Variants in METTL2B observed in about 807,000 individuals in gnomAD.
METTL2B encodes tRNA N(3)-cytidine methyltransferase METTL2B.
In METTL2B, 28 loss-of-function variants were observed where a neutral mutation model predicts 51.0. The ratio of observed to expected loss-of-function variants is 0.55; its 90% CI spans 0.41 to 0.75. METTL2B has a LOEUF of 0.75. Ranked by LOEUF, METTL2B falls within the 30% of genes least tolerant of loss-of-function variation. The pLI is 0.00. For synonymous variants in METTL2B, 128 were observed against 166.3 expected (o/e 0.77, Z 1.77); for missense variants, 313 against 460.7 (o/e 0.68, Z 2.93).
intron 5 of METTL2B, among the ~76,000 whole-genome samples, chr7:128,493,053 A>G (rs1792863770): frequency 1.3e-5 from 2 of 152,188 alleles, no homozygotes; most frequent in African/African-American, 4.8e-5. Flanking sequence ...ATAAAGAATA[A>G]AAGTAGGGGA....
chr7:128,477,323 G>A (rs1343558850), intron 2 of METTL2B, 150 bp downstream of exon 2: 10 of 1,051,904 alleles, frequency 9.5e-6, no homozygotes, highest in Non-Finnish European at 1.4e-5. Flanking sequence ...GAGGGGATGA[G>A]CAAGGAGGGA....
intron 5 of METTL2B, 38 bp downstream of exon 5, chr7:128,488,199 C>T (rs374117606): frequency 6.7e-5 from 108 of 1,603,842 alleles, no homozygotes; most frequent in Non-Finnish European, 8.7e-5. Flanking sequence ...GTAATTTCCA[C>T]TGATTAAAGG....
At chr7:128,500,398 A>C (rs1649465456) in intron 7 of METTL2B, among the ~76,000 whole-genome samples, 1 of 152,172 alleles carries the variant, frequency 6.6e-6, no homozygotes, top group Admixed American at 6.6e-5. Flanking sequence ...AGGCGGGTGG[A>C]TCACCTGAGG....
At chr7:128,500,860 G>A in intron 7 of METTL2B, 43 bp from the exon 8 acceptor site, 1 of 1,611,372 alleles carries the variant, frequency 6.2e-7, no homozygotes, top group Non-Finnish European at 8.5e-7. Context: ...AAGTCAAAGA[G>A]ACACTTTAAA....
chr7:128,478,636 G>A (rs1182003667), intron 2 of METTL2B, among the ~76,000 whole-genome samples: 5 of 123,344 alleles, frequency 4.1e-5, no homozygotes, highest in Non-Finnish European at 5.0e-5. Flanking sequence ...AGGCTGAGGC[G>A]GGTGGATCAC....
chr7:128,500,318 C>T (rs1793005424), intron 7 of METTL2B, among the ~76,000 whole-genome samples: 1 of 151,962 alleles, frequency 6.6e-6, no homozygotes, highest in African/African-American at 2.4e-5. Context: ...AGCTATATTG[C>T]TTAATTAAAG....
At chr7:128,490,428 G>A (rs1379241159) in intron 5 of METTL2B, among the ~76,000 whole-genome samples, 2 of 151,202 alleles carry the variant, frequency 1.3e-5, no homozygotes, top group East Asian at 2.0e-4. Flanking sequence ...GGGCTCAGGC[G>A]AACCTGATGA....
chr7:128,491,154 C>CAAAAA (rs56007742), intron 5 of METTL2B, among the ~76,000 whole-genome samples: 1 of 103,382 alleles, frequency 9.7e-6, no homozygotes, highest in Non-Finnish European at 1.8e-5. Flanking sequence ...GACTCCATCT[C>CAAAAA]AAAAAAAAAA....
intron 6 of METTL2B, among the ~76,000 whole-genome samples, chr7:128,494,162 T>A (rs1792884656): frequency 2.6e-5 from 4 of 152,112 alleles, no homozygotes. Context: ...CTGGCTAATT[T>A]TTGTGTTTTA....
intron 5 of METTL2B, among the ~76,000 whole-genome samples, chr7:128,493,468 T>C (rs1342878819): frequency 6.6e-6 from 1 of 152,212 alleles, no homozygotes; most frequent in African/African-American, 2.4e-5. Context: ...CGCCTTGGCC[T>C]CCCAAAGTGC....
At chr7:128,491,761 CA>C (rs57526525) in intron 5 of METTL2B, among the ~76,000 whole-genome samples, 20,678 of 114,178 alleles carry the variant, frequency 0.18, 1,805 homozygotes, top group Middle Eastern at 0.32. Context: ...GACTCTGTCT[CA>C]AAAAAAAAAA....
intron 4 of METTL2B, among the ~76,000 whole-genome samples, chr7:128,481,154 A>G (rs1584789221): frequency 1.3e-5 from 2 of 152,224 alleles, no homozygotes; most frequent in African/African-American, 4.8e-5. Flanking sequence ...ATACATGAAG[A>G]TGTCTCCTGT....
Position 128,477,191 on chromosome 7 carries a change from C to T in METTL2B, c.202+18C>T, listed in dbSNP as rs1401239841. On this transcript the variant is annotated intron_variant, in intron 2 of 8. Transcript: ENST00000262432. ...GAAACAAGGTGCGCTTAAATGGGCT[C>T]TCGTTGGTATCAACAGCCAGCGTAC... 6.2e-7 allele frequency: 1 copy of T among 1,613,784 alleles called. No individual in the cohort carries two copies. The highest frequency in any genetic ancestry group is 8.5e-7 in the Non-Finnish European group (1 of 1,179,826).
chr7:128,502,475 C>G lies in METTL2B; in HGVS notation c.*559C>G, dbSNP rs1793046808. ...AATACATACAGGGGTTAGTGAAGGG[C>G]TTATTAAGTTGTAGGGGAAGCAAGC... On this transcript the variant is annotated 3_prime_UTR_variant, in exon 9 of 9. Transcript: ENST00000262432. The G allele has an allele frequency of 5.0e-6, 2 of 396,614 alleles. No homozygotes were observed. The highest frequency in any genetic ancestry group is 9.8e-6 in the Non-Finnish European group (2 of 203,778). 24.6% of individuals were successfully genotyped at this position (396,614 alleles called of 1,614,324 possible).
Position 128,502,079 on chromosome 7 carries a change from C to A in METTL2B, c.*163C>A. The stretch of plus-strand genomic sequence containing the variant: ...CAGGAGTCCAGCCTGGGCAAAATAG[C>A]GAGAGACCCTGAATCTGAAAGTAAT... On this transcript the variant is annotated 3_prime_UTR_variant, in exon 9 of 9. Transcript: ENST00000262432. The A allele has an allele frequency of 1.2e-6, 1 of 851,470 alleles. No individual in the cohort carries two copies. The highest frequency in any genetic ancestry group is 1.8e-6 in the Non-Finnish European group (1 of 566,842). 52.7% of individuals were successfully genotyped at this position (851,470 alleles called of 1,614,324 possible).
intron 5 of METTL2B, among the ~76,000 whole-genome samples, chr7:128,491,017 T>A (rs1792818663): frequency 6.6e-6 from 1 of 150,880 alleles, no homozygotes; most frequent in Non-Finnish European, 1.5e-5. Context: ...GAAATTTAGC[T>A]GGGTATGGTG....
chr7:128,488,384 C>T (rs928586257), intron 5 of METTL2B: 2 of 729,636 alleles, frequency 2.7e-6, no homozygotes, highest in Non-Finnish European at 4.9e-6. Flanking sequence ...TGTGGCAACC[C>T]TGCATCAAGC....
intron 6 of METTL2B, 54 bp downstream of exon 6, chr7:128,493,997 G>T: frequency 1.3e-6 from 2 of 1,582,932 alleles, no homozygotes; most frequent in Non-Finnish European, 1.7e-6. Context: ...TTTGGTGAGG[G>T]ACCTTTTTTT....
intron 8 of METTL2B, 51 bp downstream of exon 8, chr7:128,501,019 T>C (rs766493728): frequency 7.4e-6 from 12 of 1,610,950 alleles, no homozygotes; most frequent in Non-Finnish European, 1.0e-5. Flanking sequence ...CCAGATGGTC[T>C]TCAAGGCACA....
Sources: allele counts gnomAD v4.1 joint callset (sites outside exome capture counted in the v4.1 genomes callset), GRCh38; gene constraint gnomAD v4.1.1; transcripts MANE v1.5; gene names NCBI Gene and HGNC (gene_info 2026-07-23, HGNC 2026-07-21).